MARK1: variants seen among roughly 807,000 people sequenced by gnomAD.
MARK1 encodes serine/threonine-protein kinase MARK1.
In MARK1, 40 loss-of-function variants were observed where a neutral mutation model predicts 96.3. The observed-to-expected ratio is 0.42, with a 90% confidence interval of 0.32 to 0.54. The LOEUF (loss-of-function observed/expected upper bound fraction) is 0.54. Ranked by LOEUF, MARK1 falls within the 20% of genes least tolerant of loss-of-function variation. The pLI is 0.16. For synonymous variants in MARK1, 317 were observed against 341.2 expected (o/e 0.93, Z 0.78); for missense variants, 719 against 984.6 (o/e 0.73, Z 3.61).
intron 9 of MARK1, among the ~76,000 whole-genome samples, chr1:220,623,448 A>G (rs1667152907): frequency 6.6e-6 from 1 of 152,158 alleles, no homozygotes; most frequent in African/African-American, 2.4e-5. Flanking sequence ...CCCTTTCTTA[A>G]GGAGATCTTC....
At chr1:220,579,301 T>C (rs1664072636) in intron 1 of MARK1, 53 bp from the exon 2 acceptor site, 1 of 1,218,574 alleles carries the variant, frequency 8.2e-7, no homozygotes, top group East Asian at 2.5e-5. Flanking sequence ...TTTTTACTTG[T>C]CCTTTTATAA....
intron 13 of MARK1, among the ~76,000 whole-genome samples, chr1:220,649,604 A>G (rs1668763864): frequency 1.3e-5 from 2 of 152,202 alleles, no homozygotes; most frequent in South Asian, 4.1e-4. Context: ...AGTTTTTAGC[A>G]TATGCTTTTT....
At chr1:220,613,540 T>G (rs1250506443) in intron 6 of MARK1, among the ~76,000 whole-genome samples, 1 of 152,136 alleles carries the variant, frequency 6.6e-6, no homozygotes, top group East Asian at 1.9e-4. Flanking sequence ...TACAAACATG[T>G]GACTAACAAA....
At chr1:220,554,038 T>C (rs1007612611) in intron 1 of MARK1, among the ~76,000 whole-genome samples, 1 of 152,220 alleles carries the variant, frequency 6.6e-6, no homozygotes, top group Non-Finnish European at 1.5e-5. Context: ...ATGGTACCCT[T>C]TCTTAAGGGT....
intron 13 of MARK1, among the ~76,000 whole-genome samples, chr1:220,640,760 A>G (rs758265780): frequency 1.1e-4 from 17 of 152,284 alleles, no homozygotes; most frequent in South Asian, 4.1e-4. Flanking sequence ...ATGCAAGAAA[A>G]TAAGAGGGGG....
chr1:220,541,513 G>T (rs1661145929), intron 1 of MARK1, among the ~76,000 whole-genome samples: 1 of 152,094 alleles, frequency 6.6e-6, no homozygotes, highest in Non-Finnish European at 1.5e-5. Context: ...CGAATGTAGG[G>T]TATTGAAATC....
At chr1:220,587,329 TTCTCTCTCTCTCTCTC>T (rs57932958) in intron 3 of MARK1, among the ~76,000 whole-genome samples, 10 of 135,982 alleles carry the variant, frequency 7.4e-5, no homozygotes, top group African/African-American at 2.8e-4. Context: ...CTCTCTTTCT[TTCTCTCTCTCTCTCTC>T]TCTCTCTGTC....
chr1:220,612,165 G>A (rs1244083649), intron 6 of MARK1, among the ~76,000 whole-genome samples: 1 of 152,228 alleles, frequency 6.6e-6, no homozygotes, highest in East Asian at 1.9e-4. Context: ...AAAGATTATT[G>A]CTACTTATTT....
At chr1:220,613,266 G>C (rs1463394997) in intron 6 of MARK1, among the ~76,000 whole-genome samples, 1 of 152,158 alleles carries the variant, frequency 6.6e-6, no homozygotes, top group Non-Finnish European at 1.5e-5. Flanking sequence ...TCCCTGCTAA[G>C]CAAATGTGGT....
At chr1:220,557,824 C>A (rs182512930) in intron 1 of MARK1, among the ~76,000 whole-genome samples, 27 of 152,042 alleles carry the variant, frequency 1.8e-4, no homozygotes, top group Admixed American at 1.6e-3. Flanking sequence ...GACAAAGATG[C>A]TAGATAAGAA....
At chr1:220,649,705 T>C (rs142428530) in intron 13 of MARK1, among the ~76,000 whole-genome samples, 1 of 152,340 alleles carries the variant, frequency 6.6e-6, no homozygotes, top group East Asian at 1.9e-4. Context: ...ATGAGTTTTT[T>C]TCCTTCTTCA....
chr1:220,534,206 G>T (rs1213117859), intron 1 of MARK1, among the ~76,000 whole-genome samples: 1 of 151,422 alleles, frequency 6.6e-6, no homozygotes, highest in East Asian at 1.9e-4. Flanking sequence ...GCATATTTTG[G>T]GGGTATATGT....
At chr1:220,610,959 G>C (rs1666405200) in intron 6 of MARK1, among the ~76,000 whole-genome samples, 1 of 152,114 alleles carries the variant, frequency 6.6e-6, no homozygotes, top group African/African-American at 2.4e-5. Flanking sequence ...CGTCCCAGAG[G>C]GGCAGCCACC....
At chr1:220,576,792 G>A (rs574963765) in intron 1 of MARK1, 11 of 152,290 alleles carry the variant, frequency 7.2e-5, no homozygotes, top group Admixed American at 7.2e-4. Context: ...TGGGGCTTTA[G>A]GAGCTTTAAG....
intron 1 of MARK1, among the ~76,000 whole-genome samples, chr1:220,578,955 C>A (rs1477567079): frequency 6.6e-6 from 1 of 151,996 alleles, no homozygotes; most frequent in Non-Finnish European, 1.5e-5. Context: ...CGATTCTCCT[C>A]CCTCAGCCTC....
At chr1:220,626,878 T>G in intron 9 of MARK1, 1 of 473,440 alleles carries the variant, frequency 2.1e-6, no homozygotes, top group South Asian at 1.8e-5. Flanking sequence ...TGTCAAGAGC[T>G]TTAACCTGCC....
rs1662401702 is a variant in MARK1 at position 220,558,028 on chromosome 1, G to T, written c.52-21326G>T. Among the ~76,000 whole-genome samples the T allele has an allele frequency of 2.0e-5, 3 of 152,006 alleles. No homozygotes were observed. In the Middle Eastern group the frequency reaches 0.01, roughly 524 times the overall value. On this transcript the variant is annotated intron_variant, in intron 1 of 17. Coordinates refer to ENST00000366917, the MANE Select transcript of MARK1 (RefSeq NM_018650.5). ...ACCTGTACTCCCAGCTGCTCAGGGG[G>T]CTGAGGTGGTAGGATCACCTGAGCC...
chr1:220,570,592 A>G (rs996549105), intron 1 of MARK1, among the ~76,000 whole-genome samples: 1 of 152,100 alleles, frequency 6.6e-6, no homozygotes, highest in Non-Finnish European at 1.5e-5. Context: ...TTTTTCTTGT[A>G]TAGAGTTAAC....
chr1:220,625,308 G>A (rs545847466), intron 9 of MARK1, among the ~76,000 whole-genome samples: 29 of 152,178 alleles, frequency 1.9e-4, no homozygotes, highest in Non-Finnish European at 3.5e-4. Context: ...TGATTAAGAC[G>A]AGGTTTTATT....
Sources: allele counts gnomAD v4.1 joint callset (sites outside exome capture counted in the v4.1 genomes callset), GRCh38; gene constraint gnomAD v4.1.1; transcripts MANE v1.5; gene names NCBI Gene and HGNC (gene_info 2026-07-23, HGNC 2026-07-21).